The following LRRC49 variants were observed in gnomAD, a reference collection of about 807,000 sequenced individuals.
LRRC49 encodes the protein leucine rich repeat containing 49.
Under a neutral mutation model 83.3 loss-of-function variants are expected in LRRC49, and 50 were observed. That is an observed-to-expected ratio of 0.60 (90% CI 0.48 to 0.76). The LOEUF (loss-of-function observed/expected upper bound fraction) is 0.76, where lower values mean the gene tolerates loss of function less well. Among genes scored for constraint, LRRC49 ranks in the 30% least tolerant of loss-of-function variants. The pLI, the probability that LRRC49 is intolerant of heterozygous loss-of-function variation, is 0.00. For missense variants in LRRC49, 704 were observed against 809.1 expected, an observed-to-expected ratio of 0.87 and a Z score of 1.58; for synonymous variants, 286 against 283.3, an observed-to-expected ratio of 1.01 and a Z score of -0.10.
chr15:70,965,353 C>G (rs1226530397), intron 9 of LRRC49, among the ~76,000 whole-genome samples: 1 of 152,100 alleles, frequency 6.6e-6, no homozygotes, highest in Non-Finnish European at 1.5e-5. Flanking sequence ...TTACTAGCAT[C>G]TAATTCTCAC....
intron 7 of LRRC49, among the ~76,000 whole-genome samples, chr15:70,933,693 C>T (rs1022466605): frequency 4.6e-5 from 7 of 152,092 alleles, no homozygotes; most frequent in Non-Finnish European, 1.0e-4. Context: ...GCTGTATCTT[C>T]GAAGGCAGAG....
chr15:71,032,367 C>T (rs1475013227), intron 14 of LRRC49, among the ~76,000 whole-genome samples: 1 of 152,032 alleles, frequency 6.6e-6, no homozygotes, highest in African/African-American at 2.4e-5. Context: ...ATGCAGAAAT[C>T]ACCCGCCTTC....
chr15:70,995,948 T>G (rs775226707), intron 11 of LRRC49, among the ~76,000 whole-genome samples: 9 of 152,052 alleles, frequency 5.9e-5, no homozygotes, highest in Non-Finnish European at 1.2e-4. Flanking sequence ...TTGGGAGAGA[T>G]GGGAGAAGTG....
chr15:71,049,743 C>T lies in LRRC49; in HGVS notation c.*131C>T, dbSNP rs968602405. ...AAAGACTAGTATAAAAGCATTATTG[C>T]CCACTGTTCTCATAGCTAAAAGTTA... On this transcript the variant is annotated 3_prime_UTR_variant, in exon 16 of 16. Transcript: ENST00000260382. 4 of 606,546 alleles carry T rather than the reference C, an allele frequency of 6.6e-6. No homozygotes were observed. The African/African-American group carries it at 7.5e-5, about 11-fold the overall frequency. 37.6% of individuals were successfully genotyped at this position (606,546 alleles called of 1,614,324 possible).
At chr15:70,916,877 A>T (rs956086909) in intron 6 of LRRC49, among the ~76,000 whole-genome samples, 1 of 152,188 alleles carries the variant, frequency 6.6e-6, no homozygotes, top group Non-Finnish European at 1.5e-5. Context: ...CCCAAACTGC[A>T]GCTGTGGACC....
chr15:70,968,331 G>A (rs907118060), intron 9 of LRRC49, among the ~76,000 whole-genome samples: 1 of 152,000 alleles, frequency 6.6e-6, no homozygotes, highest in Non-Finnish European at 1.5e-5. Flanking sequence ...CTTTTTTATG[G>A]CTGCATAGTA....
At chr15:70,869,719 G>A (rs1445884959) in intron 1 of LRRC49, among the ~76,000 whole-genome samples, 1 of 152,192 alleles carries the variant, frequency 6.6e-6, no homozygotes, top group Non-Finnish European at 1.5e-5. Flanking sequence ...GCAATGGGGA[G>A]AGGTTGTAAA....
chr15:70,980,852 A>G lies in LRRC49; in HGVS notation c.1005+668A>G, dbSNP rs556422982. Among the ~76,000 whole-genome samples, 9 of 152,226 alleles carry G rather than the reference A, an allele frequency of 5.9e-5. No homozygotes were observed. The South Asian group carries it at 1.7e-3, about 28-fold the overall frequency. Reference sequence around the variant, plus strand: ...GATTATCATTACTCATTCATGTTCTATATAGATGCTTTTCTTTTTAAAATT... The same window carrying G: ...GATTATCATTACTCATTCATGTTCTGTATAGATGCTTTTCTTTTTAAAATT... On this transcript the variant is annotated intron_variant, in intron 10 of 15. Coordinates refer to ENST00000260382, the MANE Select transcript of LRRC49 (RefSeq NM_017691.5).
At chr15:70,968,270 A>G (rs1187292758) in intron 9 of LRRC49, among the ~76,000 whole-genome samples, 2 of 152,068 alleles carry the variant, frequency 1.3e-5, no homozygotes, top group Non-Finnish European at 2.9e-5. Context: ...GTTTGCTCAG[A>G]ATGATGGTTT....
chr15:71,049,446 TAGA>T lies in LRRC49; in HGVS notation c.1899_1901del (p.Glu633del), dbSNP rs1477197855. On this transcript the variant is annotated inframe_deletion, in exon 16 of 16. Coordinates refer to ENST00000260382, the MANE Select transcript of LRRC49 (RefSeq NM_017691.5). Reference sequence around the variant, plus strand: ...AAGAAGAAATTCTGTAAAACATATATAGAAGACCTTGTGAAGGAAGCCACAGAA... The same window carrying T: ...AAGAAGAAATTCTGTAAAACATATATAGACCTTGTGAAGGAAGCCACAGAA... 6.2e-7 allele frequency: 1 copy of T among 1,612,130 alleles called. No homozygotes were observed. The highest frequency in any genetic ancestry group is 8.5e-7 in the Non-Finnish European group (1 of 1,178,518).
At position 71,017,765 on chromosome 15, in the gene LRRC49, A is replaced by G. The variant is rs534155975; in HGVS notation, c.1703+4852A>G. Among the ~76,000 whole-genome samples the G allele has an allele frequency of 3.3e-5, 5 of 152,314 alleles. No homozygotes were observed. In the East Asian group the frequency reaches 9.6e-4, roughly 29 times the overall value. On this transcript the variant is annotated intron_variant, in intron 14 of 15. Coordinates refer to ENST00000260382, the MANE Select transcript of LRRC49 (RefSeq NM_017691.5). ...CTGTACATGTTGGTAGAAGTGTAAC[A>G]TGACTTTTGGTGGAAGGTAGTTTCA...
chr15:70,890,132 G>C (rs1454824800), upstream of LRRC49, among the ~76,000 whole-genome samples: 1 of 152,140 alleles, frequency 6.6e-6, no homozygotes, highest in Non-Finnish European at 1.5e-5. Context: ...GACTTTGGTT[G>C]TTTGACTAGC....
Position 71,008,371 on chromosome 15 carries a change from T to C in LRRC49, c.1170-8T>C. 1 of 1,575,302 alleles carries C rather than the reference T, an allele frequency of 6.3e-7. No individual in the cohort carries two copies. The highest frequency in any genetic ancestry group is 8.7e-7 in the Non-Finnish European group (1 of 1,148,590). ...CTTTCATTTAAAATTATACTTTGGG[T>C]TTTCCAGGCCTCTAGACTCAGGACT... is the stretch of plus-strand genomic sequence containing the variant. On this transcript the variant is annotated splice_polypyrimidine_tract_variant and splice_region_variant and intron_variant, in intron 11 of 15. Coordinates refer to ENST00000260382, the MANE Select transcript of LRRC49 (RefSeq NM_017691.5).
At chr15:70,999,053 T>C (rs1308881725) in intron 11 of LRRC49, among the ~76,000 whole-genome samples, 1 of 152,218 alleles carries the variant, frequency 6.6e-6, no homozygotes, top group Non-Finnish European at 1.5e-5. Context: ...CATTTCTTTA[T>C]TGATATTCTT....
intron 11 of LRRC49, 31 bp from the exon 12 acceptor site, chr15:71,008,348 T>A (rs1433775092): frequency 7.6e-7 from 1 of 1,318,590 alleles, no homozygotes; most frequent in South Asian, 1.2e-5. Flanking sequence ...CATGATATCT[T>A]TCATTTAAAA....
intron 1 of LRRC49, among the ~76,000 whole-genome samples, chr15:70,856,014 G>A (rs774463748): frequency 6.6e-6 from 1 of 152,046 alleles, no homozygotes; most frequent in East Asian, 1.9e-4. Context: ...AAGCCATCTC[G>A]TGTGGCAAAG....
intron 6 of LRRC49, among the ~76,000 whole-genome samples, chr15:70,911,944 A>G (rs1392226831): frequency 1.3e-5 from 2 of 152,150 alleles, no homozygotes; most frequent in African/African-American, 2.4e-5. Context: ...TTATTTCTGC[A>G]TCACAGGTAA....
At chr15:70,871,259 C>G (rs1034583534) in intron 1 of LRRC49, among the ~76,000 whole-genome samples, 4 of 151,964 alleles carry the variant, frequency 2.6e-5, no homozygotes, top group Non-Finnish European at 4.4e-5. Context: ...TCAGAGAGCA[C>G]GGGGTTGGGG....
At chr15:70,913,007 T>C (rs756244729) in intron 6 of LRRC49, among the ~76,000 whole-genome samples, 3 of 152,204 alleles carry the variant, frequency 2.0e-5, no homozygotes, top group African/African-American at 4.8e-5. Context: ...TCCCTCTCTT[T>C]ATTCTTCTCT....
Sources: allele counts gnomAD v4.1 joint callset (sites outside exome capture counted in the v4.1 genomes callset), GRCh38; gene constraint gnomAD v4.1.1; transcripts MANE v1.5; gene names NCBI Gene and HGNC (gene_info 2026-07-23, HGNC 2026-07-21).